Variants in MCC observed in about 807,000 individuals in gnomAD.
The protein encoded by MCC is MCC regulator of Wnt signaling pathway.
In MCC, 90 loss-of-function variants were observed where a neutral mutation model predicts 116.2. The ratio of observed to expected loss-of-function variants is 0.77; its 90% CI spans 0.65 to 0.92. MCC has a LOEUF of 0.92. Ranked by LOEUF, MCC falls within the 40% of genes least tolerant of loss-of-function variation. MCC has a pLI of 0.00. For synonymous variants in MCC, 578 were observed against 510.5 expected (o/e 1.13, Z -1.78); for missense variants, 1,516 against 1,312.2 (o/e 1.16, Z -2.40).
At chr5:113,458,975 T>C (rs146223340) in intron 1 of MCC, among the ~76,000 whole-genome samples, 30 of 152,232 alleles carry the variant, frequency 2.0e-4, no homozygotes, top group African/African-American at 4.8e-4. Context: ...TATTGAGTAA[T>C]AGACCCTCAT....
At chr5:113,063,349 C>T (rs757371183) in intron 14 of MCC, among the ~76,000 whole-genome samples, 16 of 152,192 alleles carry the variant, frequency 1.1e-4, no homozygotes, top group Non-Finnish European at 2.1e-4. Flanking sequence ...GCAAGGTCTT[C>T]GCCGCTCTCT....
At chr5:113,115,585 T>G (rs1432842780) in intron 6 of MCC, among the ~76,000 whole-genome samples, 4 of 152,084 alleles carry the variant, frequency 2.6e-5, no homozygotes, top group Non-Finnish European at 5.9e-5. Flanking sequence ...CTGACCTTGG[T>G]GCCCATCTAG....
chr5:113,128,737 G>C (rs1160784853), intron 5 of MCC, among the ~76,000 whole-genome samples: 1 of 152,192 alleles, frequency 6.6e-6, no homozygotes, highest in Non-Finnish European at 1.5e-5. Flanking sequence ...CAGGAAAACA[G>C]GGAGAGAGAA....
At chr5:113,175,553 G>A (rs943295833) in intron 3 of MCC, among the ~76,000 whole-genome samples, 5 of 152,046 alleles carry the variant, frequency 3.3e-5, no homozygotes, top group East Asian at 1.9e-4. Flanking sequence ...CAAACTGGAC[G>A]GGGAGTAGTG....
chr5:113,072,085 A>C (rs1482618159), intron 11 of MCC, among the ~76,000 whole-genome samples: 1 of 152,214 alleles, frequency 6.6e-6, no homozygotes, highest in Non-Finnish European at 1.5e-5. Context: ...CAGGGTACAG[A>C]TGCTCTTGAT....
At chr5:113,262,475 C>T (rs993940711) in intron 3 of MCC, among the ~76,000 whole-genome samples, 1 of 152,144 alleles carries the variant, frequency 6.6e-6, no homozygotes, top group African/African-American at 2.4e-5. Flanking sequence ...TCACTGTCTA[C>T]CACCATGGCT....
chr5:113,287,164 T>C (rs534520038), intron 3 of MCC, among the ~76,000 whole-genome samples: 57 of 152,324 alleles, frequency 3.7e-4, no homozygotes, highest in Non-Finnish European at 7.1e-4. Flanking sequence ...ATAATCCAAG[T>C]CCTAACTAAT....
intron 2 of MCC, among the ~76,000 whole-genome samples, chr5:113,369,518 GA>G (rs1768787008): frequency 6.6e-6 from 1 of 152,078 alleles, no homozygotes; most frequent in Non-Finnish European, 1.5e-5. Flanking sequence ...ATTAATGGTA[GA>G]TTTTTTGAGT....
intron 6 of MCC, among the ~76,000 whole-genome samples, chr5:113,121,381 G>C (rs1757727588): frequency 2.0e-5 from 3 of 152,128 alleles, no homozygotes; most frequent in African/African-American, 7.2e-5. Context: ...GTAAGACTCT[G>C]CATGGCCTAG....
intron 2 of MCC, among the ~76,000 whole-genome samples, chr5:113,353,991 G>T (rs1461783770): frequency 6.6e-6 from 1 of 152,140 alleles, no homozygotes; most frequent in African/African-American, 2.4e-5. Flanking sequence ...TCAGCAATTT[G>T]CCAATATAAT....
intron 3 of MCC, among the ~76,000 whole-genome samples, chr5:113,184,472 GTTTTTTGTTTT>G (rs753870332): frequency 1.1e-4 from 14 of 123,798 alleles, no homozygotes; most frequent in Non-Finnish European, 1.6e-4. Context: ...TTCTTTCTTC[GTTTTTTGTTTT>G]TTTTTTTTTT....
intron 3 of MCC, among the ~76,000 whole-genome samples, chr5:113,275,098 C>G (rs1051275450): frequency 6.6e-6 from 1 of 152,114 alleles, no homozygotes; most frequent in African/African-American, 2.4e-5. Flanking sequence ...TCCTAGCAAC[C>G]AAAGCCTCCA....
intron 3 of MCC, among the ~76,000 whole-genome samples, chr5:113,241,559 G>A (rs1764370111): frequency 1.3e-5 from 2 of 152,242 alleles, no homozygotes. Flanking sequence ...TTTAGAGAGA[G>A]ATTGGACCTC....
intron 1 of MCC, among the ~76,000 whole-genome samples, chr5:113,417,459 T>G (rs1354997945): frequency 6.6e-6 from 1 of 152,114 alleles, no homozygotes; most frequent in East Asian, 1.9e-4. Flanking sequence ...GCCTAAGAGG[T>G]CAGTGATTTC....
At chr5:113,244,103 T>C (rs1488189098) in intron 3 of MCC, among the ~76,000 whole-genome samples, 3 of 152,208 alleles carry the variant, frequency 2.0e-5, no homozygotes, top group Non-Finnish European at 4.4e-5. Flanking sequence ...CATGGAAATA[T>C]CAAAATTATC....
At chr5:113,087,583 TC>T (rs1755290224) in intron 8 of MCC, among the ~76,000 whole-genome samples, 1 of 152,090 alleles carries the variant, frequency 6.6e-6, no homozygotes, top group Non-Finnish European at 1.5e-5. Flanking sequence ...GGGGGAAACC[TC>T]CCGGTGGAGA....
rs573310968 is a variant in MCC, at chr5:113,434,130, C to T, written c.171-48918G>A. ...GCACTCGCCTGTCAGGTGCTTGGAGCGTGGGAAGTTGACGCGGTGCTCCTT... is the reference window on the plus strand; with the variant it reads ...GCACTCGCCTGTCAGGTGCTTGGAGTGTGGGAAGTTGACGCGGTGCTCCTT... On this transcript the variant is annotated intron_variant, in intron 1 of 18. Coordinates refer to ENST00000408903, the MANE Select transcript of MCC (RefSeq NM_001085377.2). This position sits in a 1 kb window ranked among gnomAD's most constrained non-coding sequence, Gnocchi z 4.2. The T allele has an allele frequency of 5.0e-6, 8 of 1,614,134 alleles. No homozygotes were observed. Among genetic ancestry groups the T allele is most frequent in the South Asian group, 3.3e-5 (3 of 91,080 alleles).
chr5:113,087,481 C>G (rs905182571), intron 8 of MCC, among the ~76,000 whole-genome samples: 6 of 152,108 alleles, frequency 3.9e-5, no homozygotes, highest in African/African-American at 7.2e-5. Flanking sequence ...TGGTCCCTCA[C>G]AAACCAAAAA....
At chr5:113,180,874 T>A (rs1478496254) in intron 3 of MCC, among the ~76,000 whole-genome samples, 1 of 152,208 alleles carries the variant, frequency 6.6e-6, no homozygotes, top group African/African-American at 2.4e-5. Context: ...ACAAAATAAT[T>A]ACGTAAAGTT....
Sources: gnomAD v4.1 joint callset for allele counts (sites outside exome capture counted in the v4.1 genomes callset) on GRCh38, gnomAD v4.1.1 for gene constraint, Gnocchi (gnomAD v3.1) non-coding constraint, MANE v1.5 for transcripts, NCBI Gene and HGNC (gene_info 2026-07-23, HGNC 2026-07-21) for gene names.